NMNAT3: variants seen among roughly 807,000 people sequenced by gnomAD.
NMNAT3 encodes nicotinamide/nicotinic acid mononucleotide adenylyltransferase 3.
NMNAT3 carries 21 observed loss-of-function variants against 24.8 expected under a neutral mutation model. The ratio of observed to expected loss-of-function variants is 0.85; its 90% CI spans 0.60 to 1.22. The LOEUF is 1.22. NMNAT3 is among the 50% of genes most tolerant of loss of function. The pLI, the probability that NMNAT3 is intolerant of heterozygous loss-of-function variation, is 0.00. For missense variants in NMNAT3, 387 were observed against 436.6 expected, an observed-to-expected ratio of 0.89 and a Z score of 1.01; for synonymous variants, 136 against 155.2, an observed-to-expected ratio of 0.88 and a Z score of 0.92.
chr3:139,578,486 C>G (rs1448035844), intron 5 of NMNAT3, among the ~76,000 whole-genome samples: 2 of 152,114 alleles, frequency 1.3e-5, no homozygotes, highest in Non-Finnish European at 2.9e-5. Flanking sequence ...AAGTTATTTA[C>G]ATATAAAAAA....
intron 5 of NMNAT3, among the ~76,000 whole-genome samples, chr3:139,577,299 G>A (rs1374220403): frequency 1.3e-5 from 2 of 152,232 alleles, no homozygotes; most frequent in Admixed American, 1.3e-4. Context: ...GGGATTCAGG[G>A]AAGGTAGCTA....
At chr3:139,598,806 A>G (rs2054588635) in intron 3 of NMNAT3, among the ~76,000 whole-genome samples, 1 of 152,196 alleles carries the variant, frequency 6.6e-6, no homozygotes, top group African/African-American at 2.4e-5. Flanking sequence ...TACTACCTGA[A>G]AATGGTAGGC....
intron 3 of NMNAT3, among the ~76,000 whole-genome samples, chr3:139,594,432 A>G (rs1215096345): frequency 6.6e-6 from 1 of 152,252 alleles, no homozygotes; most frequent in African/African-American, 2.4e-5. Context: ...AATCAATAGA[A>G]AAAGAGGGAA....
At chr3:139,565,350 TTC>T (rs1369563438) in intron 6 of NMNAT3, 3 of 152,212 alleles carry the variant, frequency 2.0e-5, no homozygotes, top group African/African-American at 7.2e-5. Flanking sequence ...AAACATAGTT[TTC>T]TTTTTTTAAA....
intron 1 of NMNAT3, among the ~76,000 whole-genome samples, chr3:139,640,137 A>G (rs531369900): frequency 6.6e-6 from 1 of 152,252 alleles, no homozygotes; most frequent in Admixed American, 6.5e-5. Context: ...GTGCATGCAT[A>G]AGGGTCCTAG....
rs111351797 is a variant in NMNAT3 at position 139,602,165 on chromosome 3, A to T, written c.110-18957T>A. On this transcript the variant is annotated intron_variant, in intron 3 of 6. Transcript: ENST00000643695. ...TTTATGGATAAAATTTAAACTGCTTAGCTGCCTTTTTTGCATTATTCATGT... is the reference window on the plus strand; with the variant it reads ...TTTATGGATAAAATTTAAACTGCTTTGCTGCCTTTTTTGCATTATTCATGT... 1.2e-3 allele frequency among the ~76,000 whole-genome samples: 178 copies of T among 152,338 alleles called. 1 individual carries two copies. Among genetic ancestry groups the T allele is most frequent in the African/African-American group, 4.2e-3 (175 of 41,582 alleles).
At chr3:139,644,137 C>CT (rs1402082896) in intron 1 of NMNAT3, among the ~76,000 whole-genome samples, 2 of 152,320 alleles carry the variant, frequency 1.3e-5, no homozygotes, top group East Asian at 3.9e-4. Flanking sequence ...AACAAATACC[C>CT]TTTTTATCAT....
At chr3:139,648,053 T>TC (rs1225792307) in intron 1 of NMNAT3, among the ~76,000 whole-genome samples, 1 of 152,164 alleles carries the variant, frequency 6.6e-6, no homozygotes, top group Non-Finnish European at 1.5e-5. Flanking sequence ...TTGGCTGTGG[T>TC]CCCCACCCAC....
intron 3 of NMNAT3, among the ~76,000 whole-genome samples, chr3:139,617,596 A>G (rs897268323): frequency 6.6e-6 from 1 of 152,256 alleles, no homozygotes; most frequent in African/African-American, 2.4e-5. Flanking sequence ...TGTTAAATAC[A>G]GAAAATAAAC....
chr3:139,580,296 A>G (rs1939990046), intron 4 of NMNAT3, among the ~76,000 whole-genome samples: 1 of 151,626 alleles, frequency 6.6e-6, no homozygotes. Context: ...CCAATTTTTA[A>G]ATTTTTAGTA....
At chr3:139,582,772 A>G (rs1271197441) in intron 4 of NMNAT3, among the ~76,000 whole-genome samples, 2 of 151,524 alleles carry the variant, frequency 1.3e-5, no homozygotes, top group Non-Finnish European at 2.9e-5. Context: ...ACAAGCTCAC[A>G]TATATAATAA....
At position 139,599,614 on chromosome 3, in the gene NMNAT3, G is replaced by T. The variant is rs1576616169; in HGVS notation, c.110-16406C>A. 8.8e-6 allele frequency: 5 copies of T among 570,712 alleles called. No individual in the cohort carries two copies. In the East Asian group the frequency reaches 1.4e-4, roughly 16 times the overall value. 35.4% of individuals were successfully genotyped at this position (570,712 alleles called of 1,614,324 possible). ...TGCATGCCTTTACAAACAGACTGTTGTGATTAAACCTCGCCTCTAAGTGAA... is the reference window on the plus strand; with the variant it reads ...TGCATGCCTTTACAAACAGACTGTTTTGATTAAACCTCGCCTCTAAGTGAA... On this transcript the variant is annotated intron_variant, in intron 3 of 6. Coordinates refer to ENST00000643695, the MANE Select transcript of NMNAT3 (RefSeq NM_001320510.2).
intron 3 of NMNAT3, among the ~76,000 whole-genome samples, chr3:139,583,848 C>T (rs2053791593): frequency 1.3e-5 from 2 of 152,272 alleles, no homozygotes; most frequent in South Asian, 4.1e-4. Context: ...GCCCGAGCCA[C>T]GCGACGGGCT....
At chr3:139,633,113 C>T (rs529789783) in intron 2 of NMNAT3, among the ~76,000 whole-genome samples, 24 of 152,060 alleles carry the variant, frequency 1.6e-4, no homozygotes, top group African/African-American at 5.3e-4. Flanking sequence ...CTAGAAGGAA[C>T]GCGGACCCCT....
chr3:139,622,762 C>CATATATATCATATATATGAT (rs2055843642), intron 3 of NMNAT3, among the ~76,000 whole-genome samples: 1 of 133,102 alleles, frequency 7.5e-6, no homozygotes, highest in Non-Finnish European at 1.6e-5. Flanking sequence ...GTATATATAT[C>CATATATATCATATATATGAT]ATATATATCA....
chr3:139,652,794 T>C (rs1200008303), intron 1 of NMNAT3, among the ~76,000 whole-genome samples: 1 of 152,180 alleles, frequency 6.6e-6, no homozygotes, highest in African/African-American at 2.4e-5. Context: ...AAACCACGCA[T>C]CTTCTCTTCC....
chr3:139,561,474 A>C, intron 6 of NMNAT3, 82 bp from the exon 7 acceptor site: 8 of 1,334,740 alleles, frequency 6.0e-6, no homozygotes, highest in Non-Finnish European at 7.9e-6. Context: ...GTCTCACAAA[A>C]TGCTTTTCTT....
rs377626994 is a variant in NMNAT3, at chr3:139,578,838, C to G, written c.575+34G>C. On this transcript the variant is annotated intron_variant, in intron 5 of 6. Transcript: ENST00000643695. The stretch of plus-strand genomic sequence containing the variant: ...AGCTCTGCAGACATCTCCCGTGGCC[C>G]CTGGTCATCACACAGGAGAGTGACT... The G allele has an allele frequency of 2.5e-6, 4 of 1,574,810 alleles. No individual in the cohort carries two copies. The East Asian group carries it at 6.8e-5, about 27-fold the overall frequency.
At chr3:139,637,247 G>A (rs950136346) in intron 2 of NMNAT3, 2 of 152,142 alleles carry the variant, frequency 1.3e-5, no homozygotes, top group African/African-American at 4.8e-5. Context: ...CACCAGTTGA[G>A]GGCTCTGCTC....
Sources: gnomAD v4.1 joint callset for allele counts (sites outside exome capture counted in the v4.1 genomes callset) on GRCh38, gnomAD v4.1.1 for gene constraint, MANE v1.5 for transcripts, NCBI Gene and HGNC (gene_info 2026-07-23, HGNC 2026-07-21) for gene names.